KLF8: variants seen among roughly 807,000 people sequenced by gnomAD.
KLF8 encodes the protein KLF transcription factor 8.
In KLF8, 10 loss-of-function variants were observed where a neutral mutation model predicts 18.2. The ratio of observed to expected loss-of-function variants is 0.55; its 90% confidence interval spans 0.34 to 0.93. The LOEUF (loss-of-function observed/expected upper bound fraction) is 0.93. KLF8 is among the 40% of genes least tolerant of loss of function. The probability of loss-of-function intolerance (pLI) is 0.02; values close to 1 mark genes in which losing one functional copy is unlikely to be tolerated. For missense variants in KLF8, 264 were observed against 277.9 expected, an observed-to-expected ratio of 0.95 and a Z score of 0.36; for synonymous variants, 109 against 97.3, an observed-to-expected ratio of 1.12 and a Z score of -0.71.
At chrX:56,091,777 G>A in the KLF8 span, among the ~76,000 whole-genome samples, 1 of 112,173 alleles carries the variant, frequency 8.9e-6, no homozygotes, top group Non-Finnish European at 1.9e-5. Context: ...TTACAGGCAT[G>A]AGCCATCGTG....
At chrX:56,108,151 A>G in the KLF8 span, among the ~76,000 whole-genome samples, 1 of 111,737 alleles carries the variant, frequency 8.9e-6, no homozygotes, top group East Asian at 2.8e-4. Flanking sequence ...TCATCTGCAG[A>G]TATAAATAGT....
At chrX:56,169,265 C>T in the KLF8 span, among the ~76,000 whole-genome samples, 30 of 111,427 alleles carry the variant, frequency 2.7e-4, 1 homozygote, top group East Asian at 4.8e-3. Context: ...CAGCACATTC[C>T]CAACCGCGGT....
At chrX:56,273,179 C>T (rs769961444) in intron 5 of KLF8, among the ~76,000 whole-genome samples, 7 of 111,124 alleles carry the variant, frequency 6.3e-5, no homozygotes, top group East Asian at 2.8e-4. Context: ...ATTTTATTCT[C>T]ATATTTTGTG....
chrX:56,082,256 T>A, the KLF8 span, among the ~76,000 whole-genome samples: 3 of 112,023 alleles, frequency 2.7e-5, no homozygotes, highest in South Asian at 1.1e-3. Context: ...GTTTGTATTA[T>A]CCACTTATAA....
At chrX:56,084,725 A>G in the KLF8 span, among the ~76,000 whole-genome samples, 1 of 112,553 alleles carries the variant, frequency 8.9e-6, no homozygotes, top group Admixed American at 9.4e-5. Flanking sequence ...TAAAGTAGCC[A>G]TTGGAATTTC....
chrX:55,939,252 GA>G, the KLF8 span, among the ~76,000 whole-genome samples: 1 of 111,654 alleles, frequency 9.0e-6, no homozygotes, highest in African/African-American at 3.3e-5. Flanking sequence ...CATGGAAACT[GA>G]ACAACCTGCT....
chrX:56,285,143 C>G lies in KLF8; in HGVS notation c.*649C>G, dbSNP rs1350717440. ...TGGTGCTTCTGCTTCTTAAGTTCATCAAGGGAATGAGGAGTTCTTGTCCTT... is the reference window on the plus strand; with the variant it reads ...TGGTGCTTCTGCTTCTTAAGTTCATGAAGGGAATGAGGAGTTCTTGTCCTT... On this transcript the variant is annotated 3_prime_UTR_variant, in exon 6 of 6. Coordinates refer to ENST00000468660, the MANE Select transcript of KLF8 (RefSeq NM_007250.5). The G allele has an allele frequency of 8.9e-6, 1 of 112,015 alleles. No individual in the cohort carries two copies. Among genetic ancestry groups the G allele is most frequent in the Non-Finnish European group, 1.9e-5 (1 of 53,251 alleles). 9.2% of individuals were successfully genotyped at this position (112,015 alleles called of 1,213,427 possible).
chrX:56,140,408 A>G, the KLF8 span, among the ~76,000 whole-genome samples: 3 of 112,094 alleles, frequency 2.7e-5, no homozygotes, highest in East Asian at 8.4e-4. Context: ...CGTATGCATG[A>G]TGGAATACTA....
chrX:56,175,747 G>T, the KLF8 span, among the ~76,000 whole-genome samples: 3 of 111,170 alleles, frequency 2.7e-5, no homozygotes, highest in Non-Finnish European at 3.8e-5. Flanking sequence ...CTCTTTGTAG[G>T]TCTCTAAGGA....
chrX:56,182,248 C>T, the KLF8 span, among the ~76,000 whole-genome samples: 5 of 112,275 alleles, frequency 4.5e-5, no homozygotes, highest in East Asian at 8.4e-4. Flanking sequence ...TCCAGTTGAT[C>T]GAATCGGCTA....
chrX:56,250,675 G>A (rs1186829501), intron 2 of KLF8, among the ~76,000 whole-genome samples: 1 of 111,467 alleles, frequency 9.0e-6, no homozygotes, highest in Non-Finnish European at 1.9e-5. Context: ...GTATTCTCCA[G>A]AGAAACAGAA....
intron 3 of KLF8, chrX:56,266,382 T>C (rs2066972675): frequency 1.4e-6 from 1 of 722,450 alleles, no homozygotes; most frequent in African/African-American, 2.3e-5. Context: ...TCACAAGAGT[T>C]TGGGCATTAT....
chrX:56,269,912 C>G (rs1025528445), intron 4 of KLF8, among the ~76,000 whole-genome samples: 2 of 111,798 alleles, frequency 1.8e-5, no homozygotes, highest in African/African-American at 6.5e-5. Flanking sequence ...GTGAAATGCT[C>G]ACACTGTTTG....
the KLF8 span, among the ~76,000 whole-genome samples, chrX:56,004,183 AGG>A: frequency 1.8e-5 from 2 of 112,673 alleles, no homozygotes; most frequent in African/African-American, 6.4e-5. Context: ...TAGAAAAGAA[AGG>A]GATATTTACC....
the KLF8 span, among the ~76,000 whole-genome samples, chrX:56,153,550 G>A: frequency 2.7e-5 from 3 of 111,144 alleles, no homozygotes; most frequent in Non-Finnish European, 5.7e-5. Context: ...CAGGAGTAGC[G>A]AGAGAGGGCA....
the KLF8 span, among the ~76,000 whole-genome samples, chrX:55,930,378 T>C: frequency 5.4e-5 from 6 of 111,909 alleles, no homozygotes; most frequent in African/African-American, 1.6e-4. Context: ...CCTTTATTTC[T>C]TTCTCTTACC....
At chrX:56,029,847 G>A in the KLF8 span, among the ~76,000 whole-genome samples, 5 of 111,809 alleles carry the variant, frequency 4.5e-5, no homozygotes, top group Non-Finnish European at 9.4e-5. Flanking sequence ...GCCACAGCCA[G>A]CAAATCAGCG....
chrX:56,034,818 C>G, the KLF8 span, among the ~76,000 whole-genome samples: 1 of 86,816 alleles, frequency 1.2e-5, no homozygotes, highest in Non-Finnish European at 2.1e-5. Flanking sequence ...TGCAGTGGCG[C>G]GTTCTCGGCT....
intron 5 of KLF8, among the ~76,000 whole-genome samples, chrX:56,279,167 T>C (rs1406117205): frequency 9.0e-6 from 1 of 111,603 alleles, no homozygotes; most frequent in African/African-American, 3.3e-5. Flanking sequence ...TTTATTATTA[T>C]ACTTTAAGTT....
Sources: gnomAD v4.1 joint callset for allele counts (sites outside exome capture counted in the v4.1 genomes callset) on GRCh38, gnomAD v4.1.1 for gene constraint, MANE v1.5 for transcripts, NCBI Gene and HGNC (gene_info 2026-07-23, HGNC 2026-07-21) for gene names.